KCNH7: variants seen among roughly 807,000 people sequenced by gnomAD.
KCNH7 encodes the protein potassium voltage-gated channel subfamily H member 7.
In KCNH7, 49 loss-of-function variants were observed where a neutral mutation model predicts 120.8. The ratio of observed to expected loss-of-function variants is 0.41; its 90% CI spans 0.32 to 0.51. The LOEUF (loss-of-function observed/expected upper bound fraction) is 0.51. KCNH7 is among the 20% of genes least tolerant of loss of function. KCNH7 has a pLI of 0.38. For synonymous variants in KCNH7, 547 were observed against 516.1 expected (o/e 1.06, Z -0.81); for missense variants, 1,097 against 1,446.6 (o/e 0.76, Z 3.92).
intron 2 of KCNH7, among the ~76,000 whole-genome samples, chr2:162,725,510 A>G (rs1387732421): frequency 6.6e-6 from 1 of 152,174 alleles, no homozygotes; most frequent in African/African-American, 2.4e-5. Context: ...TCTTTTTACC[A>G]AAGGTACTCT....
rs913353313 is a variant in KCNH7, at chr2:162,371,683, A to G, written c.*146T>C. 6.8e-6 allele frequency: 6 copies of G among 888,360 alleles called. No homozygotes were observed. The African/African-American group carries it at 1.0e-4, about 15-fold the overall frequency. 55.0% of individuals were successfully genotyped at this position (888,360 alleles called of 1,614,324 possible). On this transcript the variant is annotated 3_prime_UTR_variant, in exon 16 of 16. Transcript: ENST00000332142. Reference sequence around the variant, plus strand: ...CCTAACTGCTCAGTTTTACCTTACAAGCTTCAATTTAGGAAAATATACAGT... The same window carrying G: ...CCTAACTGCTCAGTTTTACCTTACAGGCTTCAATTTAGGAAAATATACAGT...
intron 2 of KCNH7, among the ~76,000 whole-genome samples, chr2:162,699,065 A>G (rs775280477): frequency 1.9e-4 from 29 of 152,132 alleles, no homozygotes; most frequent in Non-Finnish European, 2.9e-5. Context: ...TCACATGCTT[A>G]TCATTTTTTG....
At chr2:162,531,235 G>C (rs1691913827) in intron 3 of KCNH7, among the ~76,000 whole-genome samples, 1 of 151,772 alleles carries the variant, frequency 6.6e-6, no homozygotes, top group African/African-American at 2.4e-5. Context: ...TTATATCCTG[G>C]AGGCTACTGT....
chr2:162,596,442 A>C (rs1694383853), intron 2 of KCNH7, among the ~76,000 whole-genome samples: 1 of 152,096 alleles, frequency 6.6e-6, no homozygotes, highest in South Asian at 2.1e-4. Context: ...GGTGCCAAGA[A>C]CACACAAGGC....
intron 6 of KCNH7, among the ~76,000 whole-genome samples, chr2:162,496,235 G>C (rs895278437): frequency 6.6e-6 from 1 of 152,140 alleles, no homozygotes; most frequent in African/African-American, 2.4e-5. Context: ...CACTCCTGAA[G>C]AAGGGAATGA....
chr2:162,517,660 CAAACA>C, intron 4 of KCNH7, 65 bp downstream of exon 4: 1 of 1,300,672 alleles, frequency 7.7e-7, no homozygotes, highest in African/African-American at 1.5e-5. Flanking sequence ...GTTGAAATTT[CAAACA>C]ATATGCAAAT....
At chr2:162,478,994 AATTTTT>A (rs1452923639) in intron 6 of KCNH7, among the ~76,000 whole-genome samples, 1 of 152,080 alleles carries the variant, frequency 6.6e-6, no homozygotes, top group East Asian at 1.9e-4. Context: ...ACATACGGGC[AATTTTT>A]ATTTTAAAGC....
intron 2 of KCNH7, among the ~76,000 whole-genome samples, chr2:162,600,468 CT>C (rs1694515801): frequency 1.3e-5 from 2 of 152,036 alleles, no homozygotes; most frequent in Non-Finnish European, 2.9e-5. Flanking sequence ...TTATGATTTT[CT>C]AAACAGCAGC....
chr2:162,558,309 G>T (rs79717273), intron 2 of KCNH7, among the ~76,000 whole-genome samples: 7,304 of 151,850 alleles, frequency 0.048, 349 homozygotes, highest in African/African-American at 0.11. Context: ...TGAGTAGCTG[G>T]GACTACAGGT....
chr2:162,400,137 G>A (rs901600220), intron 10 of KCNH7, 52 bp downstream of exon 10: 2 of 1,576,752 alleles, frequency 1.3e-6, no homozygotes, highest in African/African-American at 2.7e-5. Context: ...TTTAAACTAT[G>A]CATTACAAGC....
intron 2 of KCNH7, among the ~76,000 whole-genome samples, chr2:162,579,655 A>C (rs1693808637): frequency 6.6e-6 from 1 of 152,056 alleles, no homozygotes; most frequent in Admixed American, 6.6e-5. Context: ...GGGACAGATG[A>C]AAAGTACCAT....
intron 2 of KCNH7, among the ~76,000 whole-genome samples, chr2:162,658,811 C>T (rs1441514284): frequency 1.3e-5 from 2 of 152,162 alleles, no homozygotes; most frequent in African/African-American, 2.4e-5. Context: ...AACTTTTGTA[C>T]ATTAGCCTTG....
At chr2:162,533,536 A>G (rs1044656501) in intron 3 of KCNH7, among the ~76,000 whole-genome samples, 3 of 151,790 alleles carry the variant, frequency 2.0e-5, no homozygotes, top group Non-Finnish European at 4.4e-5. Flanking sequence ...TTTAAGATAC[A>G]GTAGAATTTA....
At chr2:162,812,595 G>A (rs1309265308) in intron 2 of KCNH7, among the ~76,000 whole-genome samples, 1 of 151,988 alleles carries the variant, frequency 6.6e-6, no homozygotes, top group Non-Finnish European at 1.5e-5. Flanking sequence ...ATTATTCCAA[G>A]GAGAAGACAA....
chr2:162,466,245 G>T (rs1416138158), intron 6 of KCNH7, among the ~76,000 whole-genome samples: 3 of 152,038 alleles, frequency 2.0e-5, no homozygotes, highest in Non-Finnish European at 2.9e-5. Context: ...AATTTAAAAG[G>T]TACTGTATTA....
intron 3 of KCNH7, among the ~76,000 whole-genome samples, chr2:162,524,386 G>A (rs1691630969): frequency 6.6e-6 from 1 of 152,018 alleles, no homozygotes; most frequent in Non-Finnish European, 1.5e-5. Context: ...AATTTCCAGG[G>A]AGGGGCAGCA....
intron 2 of KCNH7, among the ~76,000 whole-genome samples, chr2:162,749,098 G>A (rs944785681): frequency 1.4e-5 from 2 of 139,812 alleles, no homozygotes; most frequent in African/African-American, 5.4e-5. Flanking sequence ...TTAGGACTGA[G>A]AACAAAGTGG....
chr2:162,751,894 C>A (rs1688563997), intron 2 of KCNH7, among the ~76,000 whole-genome samples: 1 of 151,560 alleles, frequency 6.6e-6, no homozygotes, highest in Admixed American at 6.6e-5. Context: ...AAAGAATATA[C>A]CCCTATAACT....
At chr2:162,685,826 A>T (rs1008169488) in intron 2 of KCNH7, among the ~76,000 whole-genome samples, 17 of 152,136 alleles carry the variant, frequency 1.1e-4, no homozygotes, top group African/African-American at 4.1e-4. Context: ...AAAGATACAC[A>T]ACTAAAAATC....
Sources: allele counts gnomAD v4.1 joint callset (sites outside exome capture counted in the v4.1 genomes callset), GRCh38; gene constraint gnomAD v4.1.1; transcripts MANE v1.5; gene names NCBI Gene and HGNC (gene_info 2026-07-23, HGNC 2026-07-21).